Variants in GDA observed in about 807,000 individuals in gnomAD.
GDA encodes the protein guanine deaminase, also known as cytoplasmic PSD-95 interactor.
In GDA, 18 loss-of-function variants were observed where a neutral mutation model predicts 59.6. The observed-to-expected ratio is 0.30, with a 90% CI of 0.21 to 0.45. The LOEUF (loss-of-function observed/expected upper bound fraction) is 0.45, where lower values mean the gene tolerates loss of function less well. Ranked by LOEUF, GDA falls within the 20% of genes least tolerant of loss-of-function variation. GDA has a pLI of 1.00. For missense variants in GDA, 427 were observed against 552.3 expected (o/e 0.77, Z 2.27); for synonymous variants, 201 against 201.1 (o/e 1.00, Z 0.00).
At chr9:72,255,870 A>T (rs1459602235), downstream of GDA, among the ~76,000 whole-genome samples, 1 of 152,158 alleles carries the variant, frequency 6.6e-6, no homozygotes, top group Admixed American at 6.5e-5. Flanking sequence ...TGTATTATTT[A>T]TTGTAACTTA....
Position 72,248,488 on chromosome 9 carries a change from C to T in GDA, c.*146C>T. 2 of 1,449,016 alleles carry T rather than the reference C, an allele frequency of 1.4e-6. No homozygotes were observed. The highest frequency in any genetic ancestry group is 1.8e-6 in the Non-Finnish European group (2 of 1,098,850). The allele number at this position is 1,449,016 out of a possible 1,614,324, so 89.8% of individuals were successfully genotyped here. On this transcript the variant is annotated 3_prime_UTR_variant, in exon 14 of 14. Coordinates refer to ENST00000358399, the MANE Select transcript of GDA (RefSeq NM_004293.5). ...GTGTCTAGTTACAGTATTCACTTGA[C>T]AAATAGTTCGAAGGAAGTTGCACTA...
intron 4 of GDA, among the ~76,000 whole-genome samples, chr9:72,211,695 G>A (rs1835387911): frequency 6.6e-6 from 1 of 152,206 alleles, no homozygotes; most frequent in African/African-American, 2.4e-5. Context: ...AAGACAAGAT[G>A]AGGAGAGGAC....
At chr9:72,210,607 T>G (rs1835232297) in intron 3 of GDA, 80 bp from the exon 4 acceptor site, 4 of 780,332 alleles carry the variant, frequency 5.1e-6, no homozygotes, top group Non-Finnish European at 8.9e-6. Flanking sequence ...AATTAAAAAC[T>G]AAAATTCTGT....
At chr9:72,234,403 A>G (rs755686935) in intron 10 of GDA, among the ~76,000 whole-genome samples, 4 of 152,256 alleles carry the variant, frequency 2.6e-5, no homozygotes, top group Non-Finnish European at 5.9e-5. Context: ...TATATGTATT[A>G]TGATATTTTA....
chr9:72,220,799 C>A (rs1836756831), intron 6 of GDA, among the ~76,000 whole-genome samples: 1 of 152,188 alleles, frequency 6.6e-6, no homozygotes, highest in Non-Finnish European at 1.5e-5. Context: ...GCCCCTGCCA[C>A]TGGCTGTCTT....
chr9:72,247,390 T>G lies in GDA; in HGVS notation c.1267-16T>G. 6.9e-7 allele frequency: 1 copy of G among 1,442,088 alleles called. No homozygotes were observed. Among genetic ancestry groups the G allele is most frequent in the South Asian group, 1.1e-5 (1 of 87,812 alleles). The allele number at this position is 1,442,088 out of a possible 1,614,324, so 89.3% of individuals were successfully genotyped here. ...CACAAATGAGTCTTTCTTATTACTT[T>G]TATTTTCCATTTTAGGCTGTTATCC... On this transcript the variant is annotated splice_polypyrimidine_tract_variant and intron_variant, in intron 12 of 13. Coordinates refer to ENST00000358399, the MANE Select transcript of GDA (RefSeq NM_004293.5).
At position 72,225,667 on chromosome 9, in the gene GDA, T is replaced by C; in HGVS notation, c.715-10T>C. ...AGAAGAAAAATGAAAATATTATTTT[T>C]TTCTTGTAGAGCCATATAAGTGAAA... is the stretch of plus-strand genomic sequence containing the variant. On this transcript the variant is annotated splice_polypyrimidine_tract_variant and intron_variant, in intron 7 of 13. Coordinates refer to ENST00000358399, the MANE Select transcript of GDA (RefSeq NM_004293.5). The C allele has an allele frequency of 7.9e-7, 1 of 1,261,274 alleles. No individual in the cohort carries two copies. Among genetic ancestry groups the C allele is most frequent in the Non-Finnish European group, 1.1e-6 (1 of 883,912 alleles). 78.1% of individuals were successfully genotyped at this position (1,261,274 alleles called of 1,614,324 possible). A position where few individuals can be genotyped will look rare whatever the true frequency, so the allele number is the denominator to read the frequency against.
intron 4 of GDA, among the ~76,000 whole-genome samples, chr9:72,213,229 C>T (rs1835610822): frequency 6.6e-6 from 1 of 152,152 alleles, no homozygotes; most frequent in Non-Finnish European, 1.5e-5. Flanking sequence ...GATCACGCCA[C>T]TGCACTCCAG....
At position 72,118,273 on chromosome 9, in the gene GDA, C is replaced by CAAAAAAAA. The variant is rs373179585; in HGVS notation, c.-100+3457_-100+3464dup. On this transcript the variant is annotated intron_variant, in intron 1 of 13. Coordinates refer to the GDA transcript ENST00000545168. ...GGCGACAGAGCAAGAGACTCCACCTCAAAAAAAAAAAAAAAAAAAAAAAAG... is the reference window on the plus strand; with the variant it reads ...GGCGACAGAGCAAGAGACTCCACCTCAAAAAAAAAAAAAAAAAAAAAAAAAAAAAAAAG... Among the ~76,000 whole-genome samples the CAAAAAAAA allele has an allele frequency of 1.6e-3, 104 of 66,126 alleles. 3 individuals carry two copies. Among genetic ancestry groups the CAAAAAAAA allele is most frequent in the Non-Finnish European group, 1.9e-3 (73 of 38,612 alleles). 43.4% of individuals were successfully genotyped at this position (66,126 alleles called of 152,430 possible). A position where few individuals can be genotyped will look rare whatever the true frequency, so the allele number is the denominator to read the frequency against.
chr9:72,251,071 A>G lies in GDA; in HGVS notation c.*2729A>G. On this transcript the variant is annotated 3_prime_UTR_variant, in exon 14 of 14. Transcript: ENST00000358399. ...TTGAATTATCAGACCCCAAGAGGAG[A>G]TATTGGAACAGGCTCCCTTCATGCC... 2.2e-6 allele frequency: 1 copy of G among 465,112 alleles called. No individual in the cohort carries two copies. The highest frequency in any genetic ancestry group is 3.9e-6 in the Non-Finnish European group (1 of 259,628). The allele number at this position is 465,112 out of a possible 1,614,324, so 28.8% of individuals were successfully genotyped here.
At chr9:72,159,284 C>T (rs1187215601) in intron 1 of GDA, among the ~76,000 whole-genome samples, 1 of 152,182 alleles carries the variant, frequency 6.6e-6, no homozygotes, top group African/African-American at 2.4e-5. Flanking sequence ...ATCCCAGCTA[C>T]TCAGGAGGCT....
At chr9:72,128,930 TGA>T (rs1285438256) in intron 1 of GDA, among the ~76,000 whole-genome samples, 1 of 151,882 alleles carries the variant, frequency 6.6e-6, no homozygotes, top group African/African-American at 2.4e-5. Context: ...TGCCTGGCAA[TGA>T]GAGATGGAAT....
intron 10 of GDA, among the ~76,000 whole-genome samples, chr9:72,240,578 A>G (rs1839501298): frequency 6.6e-6 from 1 of 152,216 alleles, no homozygotes; most frequent in Non-Finnish European, 1.5e-5. Flanking sequence ...TTGTAGATAT[A>G]ATTAAGGAAG....
chr9:72,259,554 C>A (rs1840918247), downstream of GDA, among the ~76,000 whole-genome samples: 1 of 152,154 alleles, frequency 6.6e-6, no homozygotes, highest in Non-Finnish European at 1.5e-5. Context: ...TGATTGCCAG[C>A]AAAATGTCTT....
intron 10 of GDA, among the ~76,000 whole-genome samples, chr9:72,237,804 C>G (rs1564172386): frequency 6.6e-6 from 1 of 152,008 alleles, no homozygotes; most frequent in Non-Finnish European, 1.5e-5. Flanking sequence ...ACCTTCTTCT[C>G]CCTCACTTCT....
chr9:72,241,389 G>C (rs1206453599), intron 11 of GDA, 91 bp downstream of exon 11: 2 of 947,434 alleles, frequency 2.1e-6, no homozygotes, highest in African/African-American at 3.2e-5. Context: ...ATTGGTATTA[G>C]GAAAATCCAA....
Position 72,241,313 on chromosome 9 carries a change from A to T in GDA, c.1135+15A>T. 1 of 1,573,464 alleles carries T rather than the reference A, an allele frequency of 6.4e-7. No homozygotes were observed. Among genetic ancestry groups the T allele is most frequent in the Non-Finnish European group, 8.7e-7 (1 of 1,149,240 alleles). ...AGGAAGCCAAGGTAATGACTCTTACATTTTTCTCTCACACAATATACAACC... is the reference window on the plus strand; with the variant it reads ...AGGAAGCCAAGGTAATGACTCTTACTTTTTTCTCTCACACAATATACAACC... On this transcript the variant is annotated intron_variant, in intron 11 of 13. Transcript: ENST00000358399.
intron 10 of GDA, among the ~76,000 whole-genome samples, chr9:72,231,462 G>A (rs1838341918): frequency 1.3e-5 from 2 of 151,892 alleles, no homozygotes; most frequent in Admixed American, 1.3e-4. Flanking sequence ...CTACTCGGGA[G>A]GCTGAGGCAG....
intron 4 of GDA, among the ~76,000 whole-genome samples, chr9:72,213,621 G>C (rs919900127): frequency 1.3e-5 from 2 of 151,664 alleles, no homozygotes; most frequent in Non-Finnish European, 2.9e-5. Flanking sequence ...GGCTAACACG[G>C]TGAAACCCCG....
Sources: allele counts gnomAD v4.1 joint callset (sites outside exome capture counted in the v4.1 genomes callset), GRCh38; gene constraint gnomAD v4.1.1; transcripts MANE v1.5; gene names NCBI Gene and HGNC (gene_info 2026-07-23, HGNC 2026-07-21).